Variants in PPTC7 observed in about 807,000 individuals in gnomAD.
PPTC7 encodes the protein protein phosphatase targeting COQ7.
PPTC7 carries 6 observed loss-of-function variants against 30.8 expected under a neutral mutation model. That is an observed-to-expected ratio of 0.19 (90% CI 0.11 to 0.38). The LOEUF is 0.38. Ranked by LOEUF, PPTC7 falls within the 10% of genes least tolerant of loss-of-function variation. PPTC7 has a pLI of 1.00. For synonymous variants in PPTC7, 163 were observed against 168.1 expected (o/e 0.97, Z 0.23); for missense variants, 218 against 404.8 (o/e 0.54, Z 3.96).
intron 2 of PPTC7, among the ~76,000 whole-genome samples, chr12:110,550,358 G>A (rs956487923): frequency 2.0e-5 from 3 of 150,690 alleles, no homozygotes; most frequent in African/African-American, 7.3e-5. Context: ...AGCCTCCTAA[G>A]TAGCTGGGAC....
intron 3 of PPTC7, among the ~76,000 whole-genome samples, chr12:110,542,673 C>CAAAAAAAAAAA (rs765332697): frequency 7.5e-5 from 2 of 26,794 alleles, no homozygotes; most frequent in Non-Finnish European, 1.3e-4. Flanking sequence ...GACTCTGTCT[C>CAAAAAAAAAAA]AAAAAAAAAA....
chr12:110,570,996 CACCCCT>C (rs1197633036), intron 1 of PPTC7, among the ~76,000 whole-genome samples: 7 of 152,276 alleles, frequency 4.6e-5, no homozygotes, highest in African/African-American at 1.7e-4. Flanking sequence ...AGGGGCAACC[CACCCCT>C]ACATCTGGCG....
chr12:110,563,121 T>TAAA (rs2064452113), intron 1 of PPTC7, among the ~76,000 whole-genome samples: 1 of 25,584 alleles, frequency 3.9e-5, no homozygotes, highest in Non-Finnish European at 6.2e-5. Flanking sequence ...AGACTCCATC[T>TAAA]CAAAAAAAAA....
chr12:110,551,910 T>C lies in PPTC7; in HGVS notation c.282A>G (p.Ser94=), dbSNP rs1225481465. 1 of 1,614,178 alleles carries C rather than the reference T, an allele frequency of 6.2e-7. No homozygotes were observed. The highest frequency in any genetic ancestry group is 8.5e-7 in the Non-Finnish European group (1 of 1,180,010). Residue 94 remains serine (S), a synonymous_variant, in exon 2 of 6, where the codon TCA becomes TCG. Transcript: ENST00000354300. ...GTTCACACGTCCGCATTAAAGTCCC[T>C]GAGAATTGAGATGGATCAACTCCAT... The part of the protein sequence containing the change: ...RDYGVDPSQF[S]GTLMRTCERL...
Position 110,535,239 on chromosome 12 carries a change from CAAGTT to C in PPTC7, c.*1793_*1797del, listed in dbSNP as rs927842353. 6.8e-6 allele frequency: 1 copy of C among 146,314 alleles called. No individual in the cohort carries two copies. The allele number at this position is 146,314 out of a possible 1,614,324, so 9.1% of individuals were successfully genotyped here. A position where few individuals can be genotyped will look rare whatever the true frequency, so the allele number is the denominator to read the frequency against. On this transcript the variant is annotated 3_prime_UTR_variant, in exon 6 of 6. Transcript: ENST00000354300. ...CGTCTACCAAAGAATTCTGTTTTGT[CAAGTT>C]AGGGTAGTTAAGGCATTCTGACATG... is the stretch of plus-strand genomic sequence containing the variant.
intron 1 of PPTC7, among the ~76,000 whole-genome samples, chr12:110,579,373 A>C (rs1402038013): frequency 1.3e-5 from 2 of 152,138 alleles, no homozygotes; most frequent in African/African-American, 2.4e-5. Flanking sequence ...TGCATGCTTG[A>C]TCTTTGTCAA....
At chr12:110,552,963 C>T (rs1045453888) in intron 1 of PPTC7, among the ~76,000 whole-genome samples, 7 of 151,770 alleles carry the variant, frequency 4.6e-5, no homozygotes, top group African/African-American at 7.3e-5. Flanking sequence ...AGGTAGATCA[C>T]CTGAGGTCAG....
Position 110,536,678 on chromosome 12 carries a change from A to T in PPTC7, c.*359T>A. 1 of 227,428 alleles carries T rather than the reference A, an allele frequency of 4.4e-6. No individual in the cohort carries two copies. The allele number at this position is 227,428 out of a possible 1,614,324, so 14.1% of individuals were successfully genotyped here. On this transcript the variant is annotated 3_prime_UTR_variant, in exon 6 of 6. Coordinates refer to ENST00000354300, the MANE Select transcript of PPTC7 (RefSeq NM_139283.2). ...TAGACTTGTACCATCCCTTTAGCAT[A>T]CTAGGATTTTGAATTCACTTTACCA... is the stretch of plus-strand genomic sequence containing the variant.
chr12:110,551,655 A>T (rs2064350390), intron 2 of PPTC7, 134 bp downstream of exon 2: 2 of 824,888 alleles, frequency 2.4e-6, no homozygotes, highest in Admixed American at 2.5e-5. Context: ...CGGTTAGCCT[A>T]TAGTTTCTCT....
rs537970078 is a variant in PPTC7 at position 110,536,483 on chromosome 12, A to G, written c.*554T>C. On this transcript the variant is annotated 3_prime_UTR_variant, in exon 6 of 6. Coordinates refer to ENST00000354300, the MANE Select transcript of PPTC7 (RefSeq NM_139283.2). ...GGATCAAAACTGTATAACCCAGAGC[A>G]ATGTTTTAGAGCAGAATCATAAGCC... The G allele has an allele frequency of 1.3e-5, 2 of 152,286 alleles. No homozygotes were observed. Among genetic ancestry groups the G allele is most frequent in the Non-Finnish European group, 2.9e-5 (2 of 68,056 alleles). The allele number at this position is 152,286 out of a possible 1,614,324, so 9.4% of individuals were successfully genotyped here.
intron 1 of PPTC7, among the ~76,000 whole-genome samples, chr12:110,578,004 G>C (rs2064603689): frequency 6.6e-6 from 1 of 152,134 alleles, no homozygotes; most frequent in Admixed American, 6.6e-5. Flanking sequence ...AAGAAAACTT[G>C]ACCAGTGGTC....
intron 1 of PPTC7, among the ~76,000 whole-genome samples, chr12:110,571,875 T>TTA (rs1448086162): frequency 2.0e-5 from 3 of 152,222 alleles, no homozygotes; most frequent in Non-Finnish European, 4.4e-5. Context: ...AAGGCATCCT[T>TTA]ATTTAGACTT....
intron 3 of PPTC7, among the ~76,000 whole-genome samples, chr12:110,541,391 A>C (rs1436187008): frequency 3.3e-5 from 5 of 151,470 alleles, no homozygotes; most frequent in Admixed American, 2.0e-4. Context: ...TCCATCTCAA[A>C]GAAAAAGAAA....
intron 3 of PPTC7, among the ~76,000 whole-genome samples, chr12:110,544,562 G>A (rs1288812709): frequency 1.3e-5 from 2 of 152,186 alleles, no homozygotes; most frequent in Non-Finnish European, 2.9e-5. Flanking sequence ...TTGGCTGGGC[G>A]CAGTGGCTCA....
chr12:110,549,847 G>A (rs1292749655), intron 2 of PPTC7, among the ~76,000 whole-genome samples: 3 of 152,150 alleles, frequency 2.0e-5, no homozygotes, highest in Non-Finnish European at 4.4e-5. Context: ...GAACATGCAG[G>A]AGGCAGTCCC....
chr12:110,544,198 A>ATT (rs1199589506), intron 3 of PPTC7, among the ~76,000 whole-genome samples: 16 of 152,368 alleles, frequency 1.1e-4, no homozygotes, highest in African/African-American at 3.6e-4. Context: ...TTTTACCGGT[A>ATT]AAAGTTACTT....
intron 3 of PPTC7, among the ~76,000 whole-genome samples, chr12:110,545,402 C>T (rs116941831): frequency 6.8e-4 from 104 of 152,286 alleles, no homozygotes; most frequent in Non-Finnish European, 1.2e-3. Flanking sequence ...CACTTAAGAC[C>T]ATTTTGACTC....
chr12:110,563,475 C>T (rs1258169174), intron 1 of PPTC7, among the ~76,000 whole-genome samples: 4 of 152,102 alleles, frequency 2.6e-5, no homozygotes, highest in Admixed American at 6.5e-5. Context: ...ATTAGCCAGG[C>T]GTGGTAGCAC....
intron 1 of PPTC7, among the ~76,000 whole-genome samples, chr12:110,573,278 A>G (rs2064555218): frequency 6.6e-6 from 1 of 152,246 alleles, no homozygotes. Context: ...TTCAGATGTA[A>G]AGAGATACTC....
Sources: allele counts gnomAD v4.1 joint callset (sites outside exome capture counted in the v4.1 genomes callset), GRCh38; gene constraint gnomAD v4.1.1; transcripts MANE v1.5; gene names NCBI Gene and HGNC (gene_info 2026-07-23, HGNC 2026-07-21).